The following RASA2 variants were observed in gnomAD, a reference collection of about 807,000 sequenced individuals.
RASA2 encodes the protein ras GTPase-activating protein 2.
RASA2 carries 155 observed loss-of-function variants against 118.2 expected under a neutral mutation model. That is an observed-to-expected ratio of 1.31 (90% CI 1.15 to 1.50). The LOEUF (loss-of-function observed/expected upper bound fraction) is 1.50. RASA2 is among the 40% of genes most tolerant of loss of function. The pLI is 0.00. For missense variants in RASA2, 1,016 were observed against 1,009.6 expected, an observed-to-expected ratio of 1.01 and a Z score of -0.09; for synonymous variants, 353 against 349.1, an observed-to-expected ratio of 1.01 and a Z score of -0.12.
intron 9 of RASA2, among the ~76,000 whole-genome samples, chr3:141,569,809 A>G (rs1167279034): frequency 1.3e-5 from 2 of 150,988 alleles, no homozygotes; most frequent in Admixed American, 6.6e-5. Context: ...TGGAACCCCC[A>G]GTGTCTATTG....
At chr3:141,545,137 TAA>T (rs2082465708) in intron 5 of RASA2, among the ~76,000 whole-genome samples, 1 of 152,046 alleles carries the variant, frequency 6.6e-6, no homozygotes, top group African/African-American at 2.4e-5. Context: ...CCCCTGAACT[TAA>T]GTTAAAAAGA....
chr3:141,526,825 C>T (rs572657220), intron 3 of RASA2, among the ~76,000 whole-genome samples: 2 of 152,302 alleles, frequency 1.3e-5, no homozygotes, highest in South Asian at 4.1e-4. Context: ...GTTTCCCTCT[C>T]ATAGGACAAG....
intron 3 of RASA2, among the ~76,000 whole-genome samples, chr3:141,520,854 G>A (rs993746067): frequency 6.6e-6 from 1 of 152,142 alleles, no homozygotes; most frequent in Non-Finnish European, 1.5e-5. Flanking sequence ...CAGGTATGCT[G>A]TTTTCAAATG....
In RASA2 at chr3:141,608,614, T is replaced by A; in HGVS notation, c.2142T>A (p.Tyr714Ter). Residue 714 changes from tyrosine (Y) to a stop codon, truncating the protein, a stop_gained, in exon 21 of 24, where the codon TAT becomes TAA. Transcript: ENST00000286364. LOFTEE classifies it high-confidence loss of function. Reference sequence around the variant, plus strand: ...GCAATCAAAACAGGCTCAGTTTTTATCATCCCTCTGTGTATCTGAACGGAA... The same window carrying A: ...GCAATCAAAACAGGCTCAGTTTTTAACATCCCTCTGTGTATCTGAACGGAA... Reference protein sequence around the residue: ...SRCNQNRLSFYHPSVYLNGNW... With the variant: ...SRCNQNRLSF 6.2e-7 allele frequency: 1 copy of A among 1,614,030 alleles called. No homozygotes were observed. Among genetic ancestry groups the A allele is most frequent in the Non-Finnish European group, 8.5e-7 (1 of 1,179,926 alleles).
chr3:141,602,605 C>T (rs548027192), intron 19 of RASA2, among the ~76,000 whole-genome samples: 11 of 152,290 alleles, frequency 7.2e-5, no homozygotes, highest in African/African-American at 2.6e-4. Flanking sequence ...TGAATGCTTG[C>T]CTAGACTAAA....
intron 4 of RASA2, among the ~76,000 whole-genome samples, chr3:141,539,584 A>G (rs979115697): frequency 1.3e-5 from 2 of 152,180 alleles, no homozygotes; most frequent in African/African-American, 4.8e-5. Flanking sequence ...CTCTAATGAA[A>G]TCACTCACGT....
At chr3:141,529,541 T>C (rs1041536961) in intron 3 of RASA2, among the ~76,000 whole-genome samples, 167 bp from the exon 4 acceptor site, 1 of 152,194 alleles carries the variant, frequency 6.6e-6, no homozygotes, top group Non-Finnish European at 1.5e-5. Flanking sequence ...AGACACTTTT[T>C]CATTCTTTAG....
intron 15 of RASA2, among the ~76,000 whole-genome samples, chr3:141,580,085 A>AATATATATAT (rs1207351331): frequency 2.4e-3 from 145 of 59,558 alleles, no homozygotes; most frequent in Non-Finnish European, 3.2e-3. Flanking sequence ...AAAAAAAAAA[A>AATATATATAT]ATATATATAT....
At chr3:141,570,564 T>C (rs538547331) in intron 9 of RASA2, among the ~76,000 whole-genome samples, 1 of 152,216 alleles carries the variant, frequency 6.6e-6, no homozygotes, top group Non-Finnish European at 1.5e-5. Context: ...ATTTAGTTGG[T>C]AAAAATTTAT....
intron 3 of RASA2, among the ~76,000 whole-genome samples, chr3:141,519,599 T>C (rs1427624124): frequency 6.6e-6 from 1 of 152,190 alleles, no homozygotes; most frequent in East Asian, 1.9e-4. Context: ...CTTGATTGCT[T>C]ATTCGGTTTG....
intron 19 of RASA2, among the ~76,000 whole-genome samples, chr3:141,596,183 T>A (rs1480012406): frequency 1.3e-5 from 2 of 152,122 alleles, no homozygotes; most frequent in Non-Finnish European, 2.9e-5. Flanking sequence ...TGTTCTCTGA[T>A]CACAACAGAA....
At chr3:141,565,100 C>A (rs1434346680) in intron 9 of RASA2, among the ~76,000 whole-genome samples, 2 of 152,154 alleles carry the variant, frequency 1.3e-5, no homozygotes, top group African/African-American at 4.8e-5. Context: ...ATTCTCCTGC[C>A]TCAGCCTCCC....
intron 5 of RASA2, among the ~76,000 whole-genome samples, chr3:141,544,256 C>T (rs146031431): frequency 7.9e-5 from 12 of 152,238 alleles, no homozygotes; most frequent in Admixed American, 2.6e-4. Context: ...GTTTGGGGTT[C>T]GCTCAGCTTC....
intron 1 of RASA2, among the ~76,000 whole-genome samples, chr3:141,496,580 G>A (rs1289321778): frequency 6.6e-6 from 1 of 152,182 alleles, no homozygotes; most frequent in Non-Finnish European, 1.5e-5. Flanking sequence ...ATCATCACTG[G>A]CCATCAGAGA....
rs1260363444 is a variant in RASA2, at chr3:141,487,057, G to A, written c.-27G>A. ...GCCTCGCCCGGCTACGCAGGCGGCA[G>A]GGCTGCGGCACGGGCCGGGCGGCAC... On this transcript the variant is annotated 5_prime_UTR_variant, in exon 1 of 24. Coordinates refer to ENST00000286364, the MANE Select transcript of RASA2 (RefSeq NM_006506.5). 1.8e-5 allele frequency: 22 copies of A among 1,238,642 alleles called. No individual in the cohort carries two copies. Among genetic ancestry groups the A allele is most frequent in the Non-Finnish European group, 2.1e-5 (21 of 984,830 alleles). 76.7% of individuals were successfully genotyped at this position (1,238,642 alleles called of 1,614,324 possible).
intron 9 of RASA2, among the ~76,000 whole-genome samples, chr3:141,564,843 C>G (rs1392369994): frequency 6.6e-6 from 1 of 152,172 alleles, no homozygotes; most frequent in African/African-American, 2.4e-5. Flanking sequence ...GTGAGCATTT[C>G]TATAATAAAA....
chr3:141,512,195 C>A lies in RASA2; in HGVS notation c.166C>A (p.Pro56Thr). 3 of 1,606,006 alleles carry A rather than the reference C, an allele frequency of 1.9e-6. No homozygotes were observed. Among genetic ancestry groups the A allele is most frequent in the Non-Finnish European group, 1.7e-6 (2 of 1,177,786 alleles). ...EAKNLLPYLGPHKMRDCFCTI... is the reference protein window; with the variant it reads ...EAKNLLPYLGTHKMRDCFCTI... ...AAAAAATTTATTGCCATATCTTGGACCCCACAAAATGAGAGATTGTTTCTG... is the reference window on the plus strand; with the variant it reads ...AAAAAATTTATTGCCATATCTTGGAACCCACAAAATGAGAGATTGTTTCTG... The change falls in exon 2 of 24, where the codon CCC becomes ACC. Residue 56 changes from proline to threonine, a missense_variant. Transcript: ENST00000286364.
intron 5 of RASA2, among the ~76,000 whole-genome samples, chr3:141,549,995 T>G (rs1196388172): frequency 2.0e-5 from 3 of 152,116 alleles, no homozygotes; most frequent in Non-Finnish European, 4.4e-5. Flanking sequence ...CTGGTACAAA[T>G]AAACAATTAA....
rs369348638 is a variant in RASA2, at chr3:141,596,930, CA to C, written c.1933+10180del. Among the ~76,000 whole-genome samples, 67 of 152,284 alleles carry C rather than the reference CA, an allele frequency of 4.4e-4. 1 individual carries two copies. The highest frequency in any genetic ancestry group is 1.5e-3 in the African/African-American group (62 of 41,564). On this transcript the variant is annotated intron_variant, in intron 19 of 23. Transcript: ENST00000286364. ...TAAAACTACTATACATGTAACCTAG[CA>C]ATTCCACTGTTGGTTACCTACCCCA...
Sources: gnomAD v4.1 joint callset for allele counts (sites outside exome capture counted in the v4.1 genomes callset) on GRCh38, gnomAD v4.1.1 for gene constraint, MANE v1.5 for transcripts, NCBI Gene and HGNC (gene_info 2026-07-23, HGNC 2026-07-21) for gene names.